The following CDH8 variants were observed in gnomAD, a reference collection of about 807,000 sequenced individuals.
CDH8 encodes cadherin 8.
In CDH8, 17 loss-of-function variants were observed where a neutral mutation model predicts 68.1. The ratio of observed to expected loss-of-function variants is 0.25; its 90% CI spans 0.17 to 0.37. CDH8 has a LOEUF of 0.37. Ranked by LOEUF, CDH8 falls within the 10% of genes least tolerant of loss-of-function variation. The pLI is 1.00. For missense variants in CDH8, 763 were observed against 999.3 expected (o/e 0.76, Z 3.19); for synonymous variants, 372 against 365.1 (o/e 1.02, Z -0.21).
intron 8 of CDH8, among the ~76,000 whole-genome samples, chr16:61,754,316 T>TG (rs1277405114): frequency 6.6e-6 from 1 of 152,110 alleles, no homozygotes; most frequent in Non-Finnish European, 1.5e-5. Context: ...TTCTAATAGG[T>TG]GTTAAGCATT....
chr16:61,725,323 A>C (rs959812885), intron 9 of CDH8: 1 of 150,878 alleles, frequency 6.6e-6, no homozygotes, highest in Non-Finnish European at 1.5e-5. Context: ...CCACAGGGCA[A>C]ACCTACAAAT....
chr16:61,808,313 G>A (rs2142998474), intron 7 of CDH8, among the ~76,000 whole-genome samples: 1 of 152,020 alleles, frequency 6.6e-6, no homozygotes, highest in African/African-American at 2.4e-5. Flanking sequence ...CTGTATTATA[G>A]CCATCACTGA....
intron 2 of CDH8, among the ~76,000 whole-genome samples, chr16:61,991,317 T>C (rs1341657929): frequency 6.6e-6 from 1 of 152,200 alleles, no homozygotes; most frequent in African/African-American, 2.4e-5. Flanking sequence ...CTGTCTGTAC[T>C]ACAGATTTTC....
intron 2 of CDH8, among the ~76,000 whole-genome samples, chr16:61,935,276 T>G (rs1331267566): frequency 6.6e-6 from 1 of 152,202 alleles, no homozygotes; most frequent in Non-Finnish European, 1.5e-5. Context: ...TTATGTATGA[T>G]GTATAACTAG....
At chr16:61,997,181 C>G (rs1965819691) in intron 2 of CDH8, among the ~76,000 whole-genome samples, 1 of 152,094 alleles carries the variant, frequency 6.6e-6, no homozygotes, top group Admixed American at 6.5e-5. Context: ...CTCTCAGAGT[C>G]CACTTTGCTG....
intron 8 of CDH8, among the ~76,000 whole-genome samples, chr16:61,780,459 G>T (rs1421738692): frequency 6.6e-6 from 1 of 152,198 alleles, no homozygotes. Context: ...TTCTCATTAA[G>T]AGATAACAGA....
At chr16:61,891,658 A>G (rs545789889) in intron 3 of CDH8, among the ~76,000 whole-genome samples, 1 of 152,162 alleles carries the variant, frequency 6.6e-6, no homozygotes, top group African/African-American at 2.4e-5. Flanking sequence ...GAAACTACAG[A>G]CTCCTCACCC....
At chr16:61,800,209 C>T (rs1287075995) in intron 7 of CDH8, among the ~76,000 whole-genome samples, 1 of 152,190 alleles carries the variant, frequency 6.6e-6, no homozygotes, top group South Asian at 2.1e-4. Flanking sequence ...GATAAACACA[C>T]CATTCCAGTG....
intron 2 of CDH8, among the ~76,000 whole-genome samples, chr16:61,992,374 A>G (rs1391282859): frequency 1.4e-5 from 2 of 143,416 alleles, no homozygotes; most frequent in East Asian, 2.2e-4. Flanking sequence ...TCTCACTCAT[A>G]GATGGGAATT....
chr16:61,778,769 G>A (rs2142991779), intron 8 of CDH8, among the ~76,000 whole-genome samples: 1 of 152,244 alleles, frequency 6.6e-6, no homozygotes, highest in African/African-American at 2.4e-5. Context: ...AAGGTTATAT[G>A]ACCAAAATGT....
rs1420634880 is a variant in CDH8 at position 61,720,244 on chromosome 16, T to C, written c.1537-6286A>G. Among the ~76,000 whole-genome samples, 5 of 150,934 alleles carry C rather than the reference T, an allele frequency of 3.3e-5. No homozygotes were observed. In the East Asian group the frequency reaches 5.9e-4, roughly 18 times the overall value. ...TTATCTCAGATCCTCCAGTACCAGA[T>C]TGTATCCAATTTACATCACAAACAC... On this transcript the variant is annotated intron_variant, in intron 9 of 11. Transcript: ENST00000577390.
intron 2 of CDH8, among the ~76,000 whole-genome samples, chr16:61,924,890 T>A (rs1964432898): frequency 6.6e-6 from 1 of 152,150 alleles, no homozygotes; most frequent in Non-Finnish European, 1.5e-5. Context: ...AGGATTTCCA[T>A]AGAGTTGCTA....
chr16:61,987,124 G>T (rs1965643042), intron 2 of CDH8, among the ~76,000 whole-genome samples: 1 of 152,164 alleles, frequency 6.6e-6, no homozygotes, highest in Non-Finnish European at 1.5e-5. Flanking sequence ...ATAATAAAAA[G>T]TTTACAGGAG....
intron 2 of CDH8, among the ~76,000 whole-genome samples, chr16:61,982,480 T>C (rs1179414660): frequency 2.0e-5 from 3 of 151,956 alleles, no homozygotes; most frequent in Non-Finnish European, 4.4e-5. Context: ...CGGCCTCCCA[T>C]AGTGCTGGGA....
chr16:61,741,153 T>C (rs982087608), intron 8 of CDH8, among the ~76,000 whole-genome samples: 1 of 152,152 alleles, frequency 6.6e-6, no homozygotes, highest in African/African-American at 2.4e-5. Flanking sequence ...GAATATTTGA[T>C]ACTTAGGGCC....
chr16:61,941,994 C>T (rs1395915074), intron 2 of CDH8, among the ~76,000 whole-genome samples: 2 of 152,134 alleles, frequency 1.3e-5, no homozygotes, highest in African/African-American at 2.4e-5. Flanking sequence ...TCTCCTGACC[C>T]CTCTCTTCTC....
chr16:61,833,412 T>C (rs1444074069), intron 4 of CDH8, among the ~76,000 whole-genome samples: 1 of 151,798 alleles, frequency 6.6e-6, no homozygotes, highest in African/African-American at 2.4e-5. Context: ...CATACATATA[T>C]ACACATGTCA....
intron 8 of CDH8, among the ~76,000 whole-genome samples, chr16:61,758,654 A>G (rs1302657461): frequency 6.6e-6 from 1 of 152,070 alleles, no homozygotes; most frequent in East Asian, 1.9e-4. Context: ...GCTGTTCTTG[A>G]ACTCCTGACC....
chr16:61,709,399 A>G (rs1207668887), intron 10 of CDH8, among the ~76,000 whole-genome samples: 1 of 152,126 alleles, frequency 6.6e-6, no homozygotes, highest in African/African-American at 2.4e-5. Flanking sequence ...CTGAAGATTC[A>G]GCTGGAGAAA....
Sources: allele counts gnomAD v4.1 joint callset (sites outside exome capture counted in the v4.1 genomes callset), GRCh38; gene constraint gnomAD v4.1.1; transcripts MANE v1.5; gene names NCBI Gene and HGNC (gene_info 2026-07-23, HGNC 2026-07-21).